PCDHA7: variants seen among roughly 807,000 people sequenced by gnomAD.
PCDHA7 encodes protocadherin alpha 7, also known as protocadherin alpha-7.
Under a neutral mutation model 57.2 loss-of-function variants are expected in PCDHA7, and 37 were observed. That is an observed-to-expected ratio of 0.65 (90% confidence interval 0.50 to 0.85). The LOEUF (loss-of-function observed/expected upper bound fraction) is 0.85, where lower values mean the gene tolerates loss of function less well. PCDHA7 is among the 40% of genes least tolerant of loss of function. The pLI is 0.00. For synonymous variants in PCDHA7, 553 were observed against 558.8 expected (o/e 0.99, Z 0.15); for missense variants, 1,188 against 1,241.8 (o/e 0.96, Z 0.65).
intron 1 of PCDHA7, chr5:140,857,918 G>T (rs1243844248): frequency 6.3e-7 from 1 of 1,597,708 alleles, no homozygotes; most frequent in Non-Finnish European, 8.6e-7. Context: ...GTTTCGCGTG[G>T]GGCTGTACAC....
At chr5:140,843,011 G>A (rs2150350118) in intron 1 of PCDHA7, 1 of 1,595,080 alleles carries the variant, frequency 6.3e-7, no homozygotes, top group Admixed American at 1.7e-5. Flanking sequence ...CAACGCGCCG[G>A]CACTGCTGGA....
intron 1 of PCDHA7, chr5:140,876,434 A>G (rs2056340599): frequency 1.2e-6 from 2 of 1,613,976 alleles, no homozygotes; most frequent in Non-Finnish European, 1.7e-6. Flanking sequence ...ATTCAGGTTA[A>G]CGCCATTGAT....
intron 1 of PCDHA7, among the ~76,000 whole-genome samples, chr5:140,971,942 C>A (rs2153791969): frequency 6.6e-6 from 1 of 152,140 alleles, no homozygotes; most frequent in Middle Eastern, 3.4e-3. Flanking sequence ...AAGTTGTATC[C>A]ATCTGACTCC....
At chr5:141,006,745 T>C (rs1554260891) in intron 3 of PCDHA7, among the ~76,000 whole-genome samples, 1 of 152,144 alleles carries the variant, frequency 6.6e-6, no homozygotes, top group Non-Finnish European at 1.5e-5. Flanking sequence ...TGATGTATTA[T>C]AAATGGAGAA....
chr5:140,850,739 G>A, intron 1 of PCDHA7: 2 of 1,598,040 alleles, frequency 1.3e-6, no homozygotes, highest in Non-Finnish European at 1.7e-6. Context: ...TGGGGAGTTG[G>A]TCGTACTCGC....
At chr5:140,869,722 G>C in intron 1 of PCDHA7, 6 of 1,613,324 alleles carry the variant, frequency 3.7e-6, no homozygotes, top group Non-Finnish European at 5.1e-6. Context: ...GAAAACTCCG[G>C]AACTTAATTT....
At chr5:140,928,932 G>T in intron 1 of PCDHA7, 5 of 1,614,108 alleles carry the variant, frequency 3.1e-6, no homozygotes, top group Non-Finnish European at 2.5e-6. Flanking sequence ...TTTCTGCCCA[G>T]AACTTGTATT....
intron 1 of PCDHA7, chr5:140,857,181 C>CAGG (rs782645351): frequency 1.3e-6 from 2 of 1,598,372 alleles, no homozygotes; most frequent in African/African-American, 2.7e-5. Context: ...GACCATGATT[C>CAGG]AGGAGCCAAC....
intron 1 of PCDHA7, among the ~76,000 whole-genome samples, chr5:140,940,904 GT>G (rs1437754574): frequency 6.6e-6 from 1 of 152,188 alleles, no homozygotes; most frequent in Non-Finnish European, 1.5e-5. Context: ...TTTAAATCAA[GT>G]TCAAGACTTG....
chr5:140,927,901 G>A lies in PCDHA7; in HGVS notation c.2356-51048G>A, dbSNP rs370478984. On this transcript the variant is annotated intron_variant, in intron 1 of 3. Transcript: ENST00000525929. ...GGAGGTGACTGACGTGAACGATCAT[G>A]CCCCCGAACTGGACTTCCTGACTCT... The A allele has an allele frequency of 6.2e-6, 10 of 1,614,084 alleles. No individual in the cohort carries two copies. Among genetic ancestry groups the A allele is most frequent in the Non-Finnish European group, 8.5e-6 (10 of 1,180,046 alleles).
At chr5:140,843,653 C>G in intron 1 of PCDHA7, 1 of 1,595,020 alleles carries the variant, frequency 6.3e-7, no homozygotes, top group Non-Finnish European at 8.6e-7. Context: ...CTGCCTTCCT[C>G]CTGATCTGGG....
chr5:140,928,043 C>T, intron 1 of PCDHA7: 1 of 1,614,192 alleles, frequency 6.2e-7, no homozygotes, highest in Non-Finnish European at 8.5e-7. Context: ...AGTGCAGGCC[C>T]TTTTCAGCTG....
intron 1 of PCDHA7, chr5:140,876,047 C>T (rs1305657261): frequency 5.0e-6 from 8 of 1,613,744 alleles, no homozygotes; most frequent in Non-Finnish European, 6.8e-6. Context: ...AGTATATTGC[C>T]TGAATTAGTT....
chr5:140,974,944 T>C (rs1216786290), intron 1 of PCDHA7, among the ~76,000 whole-genome samples: 1 of 152,210 alleles, frequency 6.6e-6, no homozygotes, highest in African/African-American at 2.4e-5. Context: ...ACCTATTTGT[T>C]ATCTCACAGT....
chr5:140,981,673 C>T (rs1184909774), intron 2 of PCDHA7, among the ~76,000 whole-genome samples: 1 of 152,108 alleles, frequency 6.6e-6, no homozygotes, highest in African/African-American at 2.4e-5. Flanking sequence ...TTCCTTTCTT[C>T]CTTCCTCCCT....
At chr5:140,883,291 A>T (rs1554177505) in intron 1 of PCDHA7, 1 of 1,614,118 alleles carries the variant, frequency 6.2e-7, no homozygotes, top group South Asian at 1.1e-5. Flanking sequence ...TGGAAGTACT[A>T]GATGTAAATG....
rs955565578 is a variant in PCDHA7, at chr5:141,012,291, T to C, written c.*2354T>C. 6 of 153,804 alleles carry C rather than the reference T, an allele frequency of 3.9e-5. No homozygotes were observed. The highest frequency in any genetic ancestry group is 9.6e-5 in the African/African-American group (4 of 41,478). The allele number at this position is 153,804 out of a possible 1,614,324, so 9.5% of individuals were successfully genotyped here. A position where few individuals can be genotyped will look rare whatever the true frequency, so the allele number is the denominator to read the frequency against. On this transcript the variant is annotated 3_prime_UTR_variant, in exon 4 of 4. Coordinates refer to ENST00000525929, the MANE Select transcript of PCDHA7 (RefSeq NM_018910.3). ...ACACGTCATGTGGATTCATTTTGAA[T>C]TGGTGCTATTGGTATTTCCTCTGTT...
chr5:140,868,265 T>G (rs182913735), intron 1 of PCDHA7: 1 of 152,250 alleles, frequency 6.6e-6, no homozygotes, highest in African/African-American at 2.4e-5. Flanking sequence ...GTGGATTCTT[T>G]TTTAAAACTA....
intron 1 of PCDHA7, chr5:140,968,020 C>T: frequency 1.2e-6 from 2 of 1,614,202 alleles, no homozygotes; most frequent in Non-Finnish European, 1.7e-6. Flanking sequence ...TTGGAAACTC[C>T]TATACACTGG....
Sources: gnomAD v4.1 joint callset for allele counts (sites outside exome capture counted in the v4.1 genomes callset) on GRCh38, gnomAD v4.1.1 for gene constraint, MANE v1.5 for transcripts, NCBI Gene and HGNC (gene_info 2026-07-23, HGNC 2026-07-21) for gene names.